STEAP2: variants seen among roughly 807,000 people sequenced by gnomAD.
STEAP2 encodes the protein metalloreductase STEAP2.
A neutral mutation model predicts 46.4 loss-of-function variants in STEAP2; 30 were observed. That is an observed-to-expected ratio of 0.65 (90% confidence interval 0.48 to 0.88). STEAP2 has a LOEUF of 0.88. STEAP2 is among the 40% of genes least tolerant of loss of function. The pLI, the probability that STEAP2 is intolerant of heterozygous loss-of-function variation, is 0.00. For synonymous variants in STEAP2, 180 were observed against 200.5 expected, an observed-to-expected ratio of 0.90 and a Z score of 0.86; for missense variants, 513 against 579.3, an observed-to-expected ratio of 0.89 and a Z score of 1.18.
Position 90,235,896 on chromosome 7 carries a change from C to A in STEAP2, c.*3272C>A. The A allele has an allele frequency of 1.1e-6, 1 of 886,908 alleles. No homozygotes were observed. The highest frequency in any genetic ancestry group is 1.4e-6 in the Non-Finnish European group (1 of 740,310). 54.9% of individuals were successfully genotyped at this position (886,908 alleles called of 1,614,324 possible). A position where few individuals can be genotyped will look rare whatever the true frequency, so the allele number is the denominator to read the frequency against. On this transcript the variant is annotated 3_prime_UTR_variant, in exon 6 of 6. Transcript: ENST00000394621. ...ATTTATCAGAGATGATTATTTTGTGCTACATACAGGTTGGCTAATGAGCTC... is the reference window on the plus strand; with the variant it reads ...ATTTATCAGAGATGATTATTTTGTGATACATACAGGTTGGCTAATGAGCTC...
chr7:90,216,353 G>A (rs903484389), intron 1 of STEAP2, 138 bp from the exon 2 acceptor site: 1 of 152,198 alleles, frequency 6.6e-6, no homozygotes, highest in African/African-American at 2.4e-5. Context: ...GAGAACTGGG[G>A]AGGGGATCCC....
rs768707177 is a variant in STEAP2 at position 90,236,850 on chromosome 7, G to T, written c.*4226G>T. 3.1e-6 allele frequency: 5 copies of T among 1,609,014 alleles called. No homozygotes were observed. The highest frequency in any genetic ancestry group is 4.2e-6 in the Non-Finnish European group (5 of 1,177,594). ...GATGCTTTTGTATGATCTCCAAATTGCCAACTTTAAGGAAATATTCTCTTG... is the reference window on the plus strand; with the variant it reads ...GATGCTTTTGTATGATCTCCAAATTTCCAACTTTAAGGAAATATTCTCTTG... On this transcript the variant is annotated 3_prime_UTR_variant, in exon 6 of 6. Coordinates refer to ENST00000394621, the MANE Select transcript of STEAP2 (RefSeq NM_001244944.2).
Position 90,226,845 on chromosome 7 carries a change from C to A in STEAP2, c.493-126C>A, listed in dbSNP as rs889931730. ...AAATCTGTTAGATACTATAATATAGCTGAAAATTCAACAAGTATTTATTCC... is the reference window on the plus strand; with the variant it reads ...AAATCTGTTAGATACTATAATATAGATGAAAATTCAACAAGTATTTATTCC... On this transcript the variant is annotated intron_variant, in intron 3 of 5. Transcript: ENST00000394621. The A allele has an allele frequency of 5.5e-6, 5 of 912,002 alleles. No homozygotes were observed. The African/African-American group carries it at 6.7e-5, about 12-fold the overall frequency. 56.5% of individuals were successfully genotyped at this position (912,002 alleles called of 1,614,324 possible).
intron 2 of STEAP2, among the ~76,000 whole-genome samples, chr7:90,222,204 T>C (rs1391809011): frequency 6.6e-6 from 1 of 152,150 alleles, no homozygotes; most frequent in Non-Finnish European, 1.5e-5. Context: ...CAGGTTTTTT[T>C]CCTACCCTGG....
Position 90,235,396 on chromosome 7 carries a change from T to C in STEAP2, c.*2772T>C. 1.0e-6 allele frequency: 1 copy of C among 971,508 alleles called. No homozygotes were observed. The highest frequency in any genetic ancestry group is 1.2e-6 in the Non-Finnish European group (1 of 817,252). The allele number at this position is 971,508 out of a possible 1,614,324, so 60.2% of individuals were successfully genotyped here. ...ATGTTTAGTTGCTTTATTTTACCTCTATGTGATTATTTTTCTTAATTGTTA... is the reference window on the plus strand; with the variant it reads ...ATGTTTAGTTGCTTTATTTTACCTCCATGTGATTATTTTTCTTAATTGTTA... On this transcript the variant is annotated 3_prime_UTR_variant, in exon 6 of 6. Coordinates refer to ENST00000394621, the MANE Select transcript of STEAP2 (RefSeq NM_001244944.2).
At position 90,227,129 on chromosome 7, in the gene STEAP2, G is replaced by C; in HGVS notation, c.651G>C (p.Val217=). The change falls in exon 4 of 6, where the codon GTG becomes GTC. Residue 217 remains valine (V), a synonymous_variant. Transcript: ENST00000394621. ...TTACTCTCTGGAGAGGGCCAGTGGT[G>C]GTAGCTATAAGCTTGGCCACATTTT... The part of the protein sequence containing the change: ...RLFTLWRGPV[V]VAISLATFFF... 6.2e-7 allele frequency: 1 copy of C among 1,613,766 alleles called. No individual in the cohort carries two copies.
downstream of STEAP2, among the ~76,000 whole-genome samples, chr7:90,240,242 C>T (rs1302873346): frequency 6.6e-6 from 1 of 151,158 alleles, no homozygotes; most frequent in Non-Finnish European, 1.5e-5. This position sits in a 1 kb window ranked among gnomAD's most constrained non-coding sequence, Gnocchi z 4.1. Flanking sequence ...GATCACGCCA[C>T]TGCACCCCAG....
At chr7:90,239,636 C>A (rs1227783689), downstream of STEAP2, among the ~76,000 whole-genome samples, 2 of 151,736 alleles carry the variant, frequency 1.3e-5, no homozygotes, top group Admixed American at 1.3e-4. Context: ...ATTTTTTTTT[C>A]ATATAATTAT....
At chr7:90,238,029 T>C, downstream of STEAP2, 1 of 714,866 alleles carries the variant, frequency 1.4e-6, no homozygotes, top group Admixed American at 2.0e-5. Flanking sequence ...TTATGTTTTT[T>C]ATCATCCCGC....
At chr7:90,242,059 G>C (rs1431832670), downstream of STEAP2, among the ~76,000 whole-genome samples, 1 of 151,560 alleles carries the variant, frequency 6.6e-6, no homozygotes, top group South Asian at 2.1e-4. Context: ...ACCTGTCCAT[G>C]AGTAAAACAA....
At position 90,236,056 on chromosome 7, in the gene STEAP2, T is replaced by C. The variant is rs558530609; in HGVS notation, c.*3432T>C. The C allele has an allele frequency of 4.3e-4, 335 of 779,518 alleles. No homozygotes were observed. Among genetic ancestry groups the C allele is most frequent in the Non-Finnish European group, 4.9e-4 (315 of 642,734 alleles). The allele number at this position is 779,518 out of a possible 1,614,324, so 48.3% of individuals were successfully genotyped here. ...TTTCATTACAATCAAATTATAGAAATTACTTGTGTAAAAGGGCTTCAAGAA... is the reference window on the plus strand; with the variant it reads ...TTTCATTACAATCAAATTATAGAAACTACTTGTGTAAAAGGGCTTCAAGAA... On this transcript the variant is annotated 3_prime_UTR_variant, in exon 6 of 6. Transcript: ENST00000394621.
In STEAP2 at chr7:90,231,383, T is replaced by G. The variant is rs17874672; in HGVS notation, c.1186-954T>G. On this transcript the variant is annotated intron_variant, in intron 5 of 5. Transcript: ENST00000394621. ...TTTAATAATTTTAAATTAGTTTATT[T>G]AATTTTATCATATGTCTGTTTATGT... Among the ~76,000 whole-genome samples the G allele has an allele frequency of 3.1e-3, 471 of 152,060 alleles. 4 individuals carry two copies. Among genetic ancestry groups the G allele is most frequent in the African/African-American group, 0.011 (444 of 41,560 alleles).
rs1453898124 is a variant in STEAP2, at chr7:90,235,485, T to C, written c.*2861T>C. The C allele has an allele frequency of 7.3e-5, 72 of 985,386 alleles. No individual in the cohort carries two copies. Among genetic ancestry groups the C allele is most frequent in the African/African-American group, 1.0e-4 (6 of 57,346 alleles). 61.0% of individuals were successfully genotyped at this position (985,386 alleles called of 1,614,324 possible). The stretch of plus-strand genomic sequence containing the variant: ...CCTCAGAAGTAGGACTGAATTCTAC[T>C]ATTGCTAGGTGTGAGAAAGTGGTGG... On this transcript the variant is annotated 3_prime_UTR_variant, in exon 6 of 6. Coordinates refer to ENST00000394621, the MANE Select transcript of STEAP2 (RefSeq NM_001244944.2).
At chr7:90,212,229 G>A (rs927438701) in intron 1 of STEAP2, 184 bp downstream of exon 1, 3 of 152,390 alleles carry the variant, frequency 2.0e-5, no homozygotes, top group African/African-American at 7.2e-5. Context: ...GGGTGGAGAA[G>A]GGTGTCTGTT....
Position 90,237,150 on chromosome 7 carries a change from C to A in STEAP2, c.*4526C>A, listed in dbSNP as rs1795989743. 1.8e-6 allele frequency: 1 copy of A among 546,644 alleles called. No homozygotes were observed. The allele number at this position is 546,644 out of a possible 1,614,324, so 33.9% of individuals were successfully genotyped here. A position where few individuals can be genotyped will look rare whatever the true frequency, so the allele number is the denominator to read the frequency against. On this transcript the variant is annotated 3_prime_UTR_variant, in exon 6 of 6. Coordinates refer to ENST00000394621, the MANE Select transcript of STEAP2 (RefSeq NM_001244944.2). ...GCAGCTGTCTCCAGAGGATCAAAGC[C>A]ACACCCAAAGAGTAAGGCAGATTAG...
At chr7:90,237,781 AAAAT>A (rs1426674395), downstream of STEAP2, 2 of 221,680 alleles carry the variant, frequency 9.0e-6, no homozygotes, top group Non-Finnish European at 1.8e-5. Context: ...TGTTTTTACT[AAAAT>A]AGTCATTTAG....
Position 90,227,101 on chromosome 7 carries a change from T to A in STEAP2, c.623T>A (p.Leu208His). 1 of 1,613,844 alleles carries A rather than the reference T, an allele frequency of 6.2e-7. No homozygotes were observed. The highest frequency in any genetic ancestry group is 8.5e-7 in the Non-Finnish European group (1 of 1,179,858). The change falls in exon 4 of 6, where the codon CTC (leucine) becomes CAC (histidine). Residue 208 changes from leucine to histidine, a missense_variant. Leu to His is a moderately conservative substitution (Grantham distance 99). Transcript: ENST00000394621. ...GAGATTGAAAATTTACCCCTACGAC[T>A]CTTTACTCTCTGGAGAGGGCCAGTG... Reference protein sequence around the residue: ...AREIENLPLRLFTLWRGPVVV... With the variant: ...AREIENLPLRHFTLWRGPVVV...
At chr7:90,224,784 A>C (rs2116271940) in intron 2 of STEAP2, among the ~76,000 whole-genome samples, 1 of 152,356 alleles carries the variant, frequency 6.6e-6, no homozygotes, top group African/African-American at 2.4e-5. Context: ...CTGTGTGCAC[A>C]TTAAAATTTG....
chr7:90,226,395 A>G (rs1795491344), intron 3 of STEAP2, among the ~76,000 whole-genome samples: 1 of 152,172 alleles, frequency 6.6e-6, no homozygotes, highest in South Asian at 2.1e-4. Context: ...GAGTTTTTAA[A>G]AAAGTTTATT....
Sources: allele counts gnomAD v4.1 joint callset (sites outside exome capture counted in the v4.1 genomes callset), GRCh38; gene constraint gnomAD v4.1.1; non-coding constraint Gnocchi (gnomAD v3.1); transcripts MANE v1.5; gene names NCBI Gene and HGNC (gene_info 2026-07-23, HGNC 2026-07-21).